Variants in METAP1D observed in about 807,000 individuals in gnomAD.
The protein encoded by METAP1D is methionine aminopeptidase 1D, mitochondrial.
In METAP1D, 31 loss-of-function variants were observed where a neutral mutation model predicts 40.5. That is an observed-to-expected ratio of 0.77 (90% CI 0.58 to 1.03). The LOEUF (loss-of-function observed/expected upper bound fraction) is 1.03, where lower values mean the gene tolerates loss of function less well. Ranked by LOEUF, METAP1D falls within the 50% of genes least tolerant of loss-of-function variation. The probability of loss-of-function intolerance (pLI) is 0.00; values close to 1 mark genes in which losing one functional copy is unlikely to be tolerated. For synonymous variants in METAP1D, 151 were observed against 146.4 expected, an observed-to-expected ratio of 1.03 and a Z score of -0.22; for missense variants, 411 against 420.7, an observed-to-expected ratio of 0.98 and a Z score of 0.20.
chr2:172,055,273 T>C (rs2105465069), intron 1 of METAP1D, among the ~76,000 whole-genome samples: 1 of 111,974 alleles, frequency 8.9e-6, no homozygotes, highest in East Asian at 2.0e-4. Flanking sequence ...AAATTTGTTG[T>C]AACATTGGTG....
intron 1 of METAP1D, among the ~76,000 whole-genome samples, chr2:172,059,613 A>G (rs1206221373): frequency 1.3e-5 from 2 of 152,210 alleles, no homozygotes; most frequent in Non-Finnish European, 2.9e-5. Flanking sequence ...ATATTGGGTT[A>G]AAAAGTTTTT....
At chr2:172,024,472 A>G (rs544333502) in intron 1 of METAP1D, among the ~76,000 whole-genome samples, 5 of 152,102 alleles carry the variant, frequency 3.3e-5, no homozygotes, top group Non-Finnish European at 5.9e-5. Flanking sequence ...GAGAAACCCA[A>G]ACCACAAAGC....
intron 1 of METAP1D, among the ~76,000 whole-genome samples, chr2:172,016,877 A>C (rs1283273588): frequency 6.6e-6 from 1 of 151,548 alleles, no homozygotes; most frequent in African/African-American, 2.4e-5. Flanking sequence ...TGCATATGCT[A>C]TTCCTCGTGC....
At chr2:172,067,986 T>C (rs2105485841) in intron 5 of METAP1D, among the ~76,000 whole-genome samples, 1 of 152,370 alleles carries the variant, frequency 6.6e-6, no homozygotes, top group South Asian at 2.1e-4. Flanking sequence ...ACGTCTAGTA[T>C]ACATCACAAG....
At chr2:172,075,997 A>G (rs1690534596) in intron 6 of METAP1D, among the ~76,000 whole-genome samples, 2 of 152,162 alleles carry the variant, frequency 1.3e-5, no homozygotes, top group African/African-American at 4.8e-5. Flanking sequence ...ATCTTTAGCC[A>G]CCTAGTAATT....
chr2:172,063,676 G>T, intron 2 of METAP1D, 35 bp from the exon 3 acceptor site: 34 of 1,536,826 alleles, frequency 2.2e-5, no homozygotes, highest in Non-Finnish European at 3.1e-5. Context: ...CGTGCGCTGG[G>T]TTCTGATCTT....
chr2:172,016,300 A>ATATAT (rs1374272640), intron 1 of METAP1D, among the ~76,000 whole-genome samples: 10 of 40,058 alleles, frequency 2.5e-4, no homozygotes, highest in South Asian at 1.5e-3. Context: ...AAAAAAAAAA[A>ATATAT]ATATATATAT....
At position 172,022,447 on chromosome 2, in the gene METAP1D, T is replaced by G. The variant is rs138329565; in HGVS notation, c.40+22438T>G. Among the ~76,000 whole-genome samples the G allele has an allele frequency of 2.5e-4, 38 of 152,272 alleles. 1 individual carries two copies. In the East Asian group the frequency reaches 6.9e-3, roughly 28 times the overall value. ...TACTCACAGACAAGGCAGAATTTGT[T>G]TGACATCTTGTGATTGCTGCGTACA... On this transcript the variant is annotated intron_variant, in intron 1 of 9. Coordinates refer to ENST00000315796, the MANE Select transcript of METAP1D (RefSeq NM_199227.3).
chr2:172,005,885 T>G (rs955636396), intron 1 of METAP1D, among the ~76,000 whole-genome samples: 1 of 152,042 alleles, frequency 6.6e-6, no homozygotes, highest in East Asian at 1.9e-4. Flanking sequence ...CTTTCTGTAC[T>G]ACAAATAGTT....
At chr2:172,037,810 T>A (rs1689430660) in intron 1 of METAP1D, among the ~76,000 whole-genome samples, 1 of 152,200 alleles carries the variant, frequency 6.6e-6, no homozygotes, top group South Asian at 2.1e-4. Flanking sequence ...CGGGTGGCTG[T>A]ATTTGAGCTT....
At chr2:172,054,811 A>G (rs1257295766) in intron 1 of METAP1D, among the ~76,000 whole-genome samples, 1 of 152,232 alleles carries the variant, frequency 6.6e-6, no homozygotes, top group Admixed American at 6.5e-5. Context: ...GAAGTTGCCT[A>G]TAATTTTCAG....
At chr2:172,023,835 T>C (rs1255083030) in intron 1 of METAP1D, among the ~76,000 whole-genome samples, 1 of 150,650 alleles carries the variant, frequency 6.6e-6, no homozygotes, top group Non-Finnish European at 1.5e-5. Flanking sequence ...ATCTAGGTAG[T>C]GTGAGTGTTC....
chr2:172,076,033 C>T (rs547021498), intron 6 of METAP1D, among the ~76,000 whole-genome samples: 3 of 152,194 alleles, frequency 2.0e-5, no homozygotes, highest in South Asian at 4.2e-4. Flanking sequence ...TGCAGAGGAA[C>T]GAGAGGTATG....
chr2:172,076,291 T>G (rs918479492), intron 6 of METAP1D, among the ~76,000 whole-genome samples: 2 of 151,246 alleles, frequency 1.3e-5, no homozygotes, highest in African/African-American at 4.9e-5. Context: ...CTAACATAAT[T>G]TATAGGTTTA....
chr2:172,056,901 G>A (rs750404463), intron 1 of METAP1D, among the ~76,000 whole-genome samples: 10 of 152,102 alleles, frequency 6.6e-5, no homozygotes, highest in African/African-American at 1.4e-4. Context: ...TCATTTCTAA[G>A]AATTTTCATG....
intron 1 of METAP1D, among the ~76,000 whole-genome samples, chr2:172,024,804 G>A (rs1689090626): frequency 7.1e-6 from 1 of 141,718 alleles, no homozygotes; most frequent in African/African-American, 2.5e-5. Context: ...ATCTTGAAGG[G>A]TCAAAAGGAT....
chr2:172,032,736 A>G (rs1689267266), intron 1 of METAP1D, among the ~76,000 whole-genome samples: 1 of 152,226 alleles, frequency 6.6e-6, no homozygotes, highest in Admixed American at 6.6e-5. Flanking sequence ...CTATCAGAGC[A>G]CACCACTGTC....
At chr2:172,005,687 G>C (rs986979153) in intron 1 of METAP1D, among the ~76,000 whole-genome samples, 2 of 150,854 alleles carry the variant, frequency 1.3e-5, no homozygotes, top group Admixed American at 6.6e-5. Context: ...ACAGGCACCC[G>C]CCACCATGCC....
chr2:172,023,512 C>T (rs573488379), intron 1 of METAP1D, among the ~76,000 whole-genome samples: 24 of 152,240 alleles, frequency 1.6e-4, no homozygotes, highest in Middle Eastern at 3.4e-3. Flanking sequence ...GAGAGAACCT[C>T]CTGGAAGGTT....
Sources: allele counts gnomAD v4.1 joint callset (sites outside exome capture counted in the v4.1 genomes callset), GRCh38; gene constraint gnomAD v4.1.1; transcripts MANE v1.5; gene names NCBI Gene and HGNC (gene_info 2026-07-23, HGNC 2026-07-21).